Variants in DCAF4 observed in about 807,000 individuals in gnomAD.
DCAF4 encodes the protein DDB1- and CUL4-associated factor 4.
DCAF4 carries 37 observed loss-of-function variants against 60.9 expected under a neutral mutation model. The observed-to-expected ratio is 0.61, with a 90% CI of 0.47 to 0.80. The LOEUF is 0.80. Among genes scored for constraint, DCAF4 ranks in the 30% least tolerant of loss-of-function variants. DCAF4 has a pLI of 0.00. For synonymous variants in DCAF4, 243 were observed against 254.8 expected, an observed-to-expected ratio of 0.95 and a Z score of 0.44; for missense variants, 577 against 650.0, an observed-to-expected ratio of 0.89 and a Z score of 1.22.
intron 1 of DCAF4, among the ~76,000 whole-genome samples, chr14:72,935,680 C>T (rs1889174345): frequency 1.3e-5 from 2 of 152,216 alleles, no homozygotes; most frequent in African/African-American, 2.4e-5. Flanking sequence ...AATTGGCATT[C>T]GCCAGTGATT....
Position 72,940,209 on chromosome 14 carries a change from T to A in DCAF4, c.194-11T>A, listed in dbSNP as rs529303867. 1 of 1,613,808 alleles carries A rather than the reference T, an allele frequency of 6.2e-7. No homozygotes were observed. Among genetic ancestry groups the A allele is most frequent in the African/African-American group, 1.3e-5 (1 of 75,016 alleles). On this transcript the variant is annotated splice_polypyrimidine_tract_variant and intron_variant, in intron 3 of 13. Coordinates refer to ENST00000358377, the MANE Select transcript of DCAF4 (RefSeq NM_015604.4). ...GGTTGAAATTGGTGCATTTAATTTT[T>A]TTGTCTAAAGAGCTACCTGGGTTTT...
chr14:72,943,970 A>C (rs987969554), intron 6 of DCAF4, among the ~76,000 whole-genome samples: 1 of 152,152 alleles, frequency 6.6e-6, no homozygotes, highest in African/African-American at 2.4e-5. Flanking sequence ...ACATTCTCCC[A>C]TGTGGCTTTT....
intron 1 of DCAF4, among the ~76,000 whole-genome samples, chr14:72,932,723 T>G (rs1035067758): frequency 6.6e-6 from 1 of 152,136 alleles, no homozygotes; most frequent in Non-Finnish European, 1.5e-5. Flanking sequence ...AGCACTGTTT[T>G]GGGCCAGGTA....
At chr14:72,956,280 C>G in intron 12 of DCAF4, 106 bp from the exon 13 acceptor site, 2 of 753,258 alleles carry the variant, frequency 2.7e-6, no homozygotes, top group Non-Finnish European at 4.3e-6. Flanking sequence ...ATCTTCATGA[C>G]CTGCACAGGC....
intron 12 of DCAF4, 100 bp from the exon 13 acceptor site, chr14:72,956,286 C>A: frequency 1.2e-6 from 1 of 805,620 alleles, no homozygotes; most frequent in Non-Finnish European, 1.9e-6. Context: ...ATGACCTGCA[C>A]AGGCCACTGG....
At position 72,956,431 on chromosome 14, in the gene DCAF4, G is replaced by A. The variant is rs373000336; in HGVS notation, c.1225G>A (p.Glu409Lys). Residue 409 changes from glutamate to lysine, a missense_variant, in exon 13 of 14, where the codon GAA becomes AAA. Physicochemically the swap from Glu to Lys is moderately conservative, Grantham distance 56. Transcript: ENST00000358377. ...LRTTKCVRQY[E>K]GHVNEYAYLP... ...GACCACGAAGTGCGTAAGGCAGTAC[G>A]AAGGCCACGTGAATGAGTACGCCTA... 4.7e-5 allele frequency: 76 copies of A among 1,613,562 alleles called. No individual in the cohort carries two copies. Among genetic ancestry groups the A allele is most frequent in the South Asian group, 1.5e-4 (14 of 91,004 alleles).
chr14:72,952,992 CTT>C (rs34917327), intron 9 of DCAF4, among the ~76,000 whole-genome samples: 4 of 41,588 alleles, frequency 9.6e-5, no homozygotes, highest in African/African-American at 2.1e-4. Flanking sequence ...AATGCCCGGC[CTT>C]TTTTTTTTTT....
At chr14:72,947,443 C>G (rs1890878856) in intron 8 of DCAF4, among the ~76,000 whole-genome samples, 1 of 152,234 alleles carries the variant, frequency 6.6e-6, no homozygotes, top group Admixed American at 6.5e-5. Context: ...GTGTGGCAGA[C>G]ACTGTCTGGG....
chr14:72,952,992 CTTTTTTTT>C (rs34917327), intron 9 of DCAF4, among the ~76,000 whole-genome samples: 2 of 41,594 alleles, frequency 4.8e-5, no homozygotes, highest in Non-Finnish European at 8.4e-5. Flanking sequence ...AATGCCCGGC[CTTTTTTTT>C]TTTTTTTTTT....
rs889913689 is a variant in DCAF4 at position 72,949,223 on chromosome 14, G to C, written c.728+2032G>C. Among the ~76,000 whole-genome samples, 3 of 152,128 alleles carry C rather than the reference G, an allele frequency of 2.0e-5. No homozygotes were observed. In the South Asian group the frequency reaches 6.2e-4, roughly 32 times the overall value. ...CAGCATTTTGGGAGGCCAAAGTTGG[G>C]GGATTGCTTGAGGCCAGGAGTTTGA... On this transcript the variant is annotated intron_variant, in intron 8 of 13. Transcript: ENST00000358377.
At chr14:72,955,036 G>A (rs1046819045) in intron 11 of DCAF4, among the ~76,000 whole-genome samples, 7 of 151,884 alleles carry the variant, frequency 4.6e-5, no homozygotes, top group Non-Finnish European at 7.4e-5. Flanking sequence ...GCCTGAACCC[G>A]GGAGGCGGAG....
At position 72,959,380 on chromosome 14, in the gene DCAF4, A is replaced by G. The variant is rs1279947246; in HGVS notation, c.*575A>G. On this transcript the variant is annotated 3_prime_UTR_variant, in exon 14 of 14. Coordinates refer to ENST00000358377, the MANE Select transcript of DCAF4 (RefSeq NM_015604.4). ...AGATCTCCGGGATTCTGCTGTTATTATCCAAAGGCGTTGGAAGGAAAGATG... is the reference window on the plus strand; with the variant it reads ...AGATCTCCGGGATTCTGCTGTTATTGTCCAAAGGCGTTGGAAGGAAAGATG... 1 of 985,384 alleles carries G rather than the reference A, an allele frequency of 1.0e-6. No individual in the cohort carries two copies. The highest frequency in any genetic ancestry group is 6.1e-5 in the Admixed American group (1 of 16,266). The allele number at this position is 985,384 out of a possible 1,614,324, so 61.0% of individuals were successfully genotyped here.
chr14:72,941,794 T>G lies in DCAF4; in HGVS notation c.401T>G (p.Leu134Arg), dbSNP rs1279121931. ...TCTTCCATGCTACGAAAAAGCCAGC[T>G]GGGTTTTCTCAACGTCACCAATTAC... ...NASSMLRKSQ[L>R]GFLNVTNYCH... The change falls in exon 5 of 14, where the codon CTG becomes CGG. Residue 134 changes from leucine to arginine, a missense_variant. Leu to Arg is a moderately radical substitution (Grantham distance 102). Coordinates refer to ENST00000358377, the MANE Select transcript of DCAF4 (RefSeq NM_015604.4). 1 of 1,614,212 alleles carries G rather than the reference T, an allele frequency of 6.2e-7. No individual in the cohort carries two copies. Among genetic ancestry groups the G allele is most frequent in the Admixed American group, 1.7e-5 (1 of 60,028 alleles).
At chr14:72,933,677 TTC>T (rs1249237011) in intron 1 of DCAF4, among the ~76,000 whole-genome samples, 2 of 152,206 alleles carry the variant, frequency 1.3e-5, no homozygotes, top group Non-Finnish European at 2.9e-5. Flanking sequence ...TAGGCTCAAT[TTC>T]TCTCTGTATT....
chr14:72,929,921 G>T, intron 1 of DCAF4: 2 of 1,182,402 alleles, frequency 1.7e-6, no homozygotes, highest in Non-Finnish European at 2.4e-6. Context: ...ATAAGGTAGC[G>T]CAGAGCCATG....
At chr14:72,942,556 G>A (rs1407212511) in intron 5 of DCAF4, 1 of 158,654 alleles carries the variant, frequency 6.3e-6, no homozygotes, top group African/African-American at 2.4e-5. Context: ...GAGACAGAAA[G>A]TTAAAAATCT....
At chr14:72,933,746 C>T (rs770340694) in intron 1 of DCAF4, among the ~76,000 whole-genome samples, 14 of 152,116 alleles carry the variant, frequency 9.2e-5, no homozygotes, top group Non-Finnish European at 1.8e-4. Context: ...CAAAATCAGA[C>T]TTACTCTCCT....
At position 72,928,556 on chromosome 14, in the gene DCAF4, C is replaced by T. The variant is rs149305928; in HGVS notation, c.-9+2013C>T. 2.9e-4 allele frequency among the ~76,000 whole-genome samples: 44 copies of T among 150,412 alleles called. No individual in the cohort carries two copies. In the East Asian group the frequency reaches 8.4e-3, roughly 29 times the overall value. ...ATATCTAGGATGTTTCTCACTTTAA[C>T]TATTACAGCATGGTGTAGTAAACAT... On this transcript the variant is annotated intron_variant, in intron 1 of 13. Transcript: ENST00000358377.
intron 8 of DCAF4, among the ~76,000 whole-genome samples, chr14:72,951,560 G>A (rs1311122383): frequency 3.3e-5 from 5 of 152,092 alleles, no homozygotes; most frequent in South Asian, 2.1e-4. Flanking sequence ...GCGGTAAGCC[G>A]AGATCGCGCC....
Sources: allele counts gnomAD v4.1 joint callset (sites outside exome capture counted in the v4.1 genomes callset), GRCh38; gene constraint gnomAD v4.1.1; transcripts MANE v1.5; gene names NCBI Gene and HGNC (gene_info 2026-07-23, HGNC 2026-07-21).